Variants in TPO observed in about 807,000 individuals in gnomAD.
The protein encoded by TPO is thyroid microsomal antigen.
Under a neutral mutation model 96.9 loss-of-function variants are expected in TPO, and 78 were observed. That is an observed-to-expected ratio of 0.81 (90% CI 0.67 to 0.97). The LOEUF (loss-of-function observed/expected upper bound fraction) is 0.97. Among genes scored for constraint, TPO ranks in the 50% least tolerant of loss-of-function variants. The probability of loss-of-function intolerance (pLI) is 0.00; values close to 1 mark genes in which losing one functional copy is unlikely to be tolerated. For synonymous variants in TPO, 547 were observed against 538.0 expected, an observed-to-expected ratio of 1.02 and a Z score of -0.23; for missense variants, 1,252 against 1,274.8, an observed-to-expected ratio of 0.98 and a Z score of 0.27.
At position 1,469,814 on chromosome 2, in the gene TPO, G is replaced by C. The variant is rs140600254; in HGVS notation, c.820-7272G>C. On this transcript the variant is annotated intron_variant, in intron 7 of 16. Coordinates refer to ENST00000329066, the MANE Select transcript of TPO (RefSeq NM_001206744.2). The stretch of plus-strand genomic sequence containing the variant: ...AGTTTGGGCACTCACAGTATTTGGG[G>C]TGTCTCCCGAGTCCTGCAGGAGCCA... 5.4e-3 allele frequency among the ~76,000 whole-genome samples: 818 copies of C among 152,306 alleles called. 14 individuals carry two copies. The highest frequency in any genetic ancestry group is 0.018 in the African/African-American group (755 of 41,566).
upstream of TPO, among the ~76,000 whole-genome samples, chr2:1,409,150 C>G (rs1369430295): frequency 2.0e-5 from 3 of 152,194 alleles, no homozygotes; most frequent in South Asian, 6.2e-4. Context: ...CCCCAGAGTC[C>G]ATGAGAGGAG....
intron 5 of TPO, among the ~76,000 whole-genome samples, chr2:1,440,961 G>A (rs1469517401): frequency 6.6e-6 from 1 of 151,860 alleles, no homozygotes; most frequent in Non-Finnish European, 1.5e-5. Flanking sequence ...ATTGCCACAG[G>A]AGGCACTATG....
intron 15 of TPO, among the ~76,000 whole-genome samples, chr2:1,530,356 C>T (rs1314651097): frequency 7.0e-6 from 1 of 143,230 alleles, no homozygotes. Flanking sequence ...CAAGTGTGTG[C>T]AACGTCCCCA....
intron 5 of TPO, among the ~76,000 whole-genome samples, chr2:1,445,830 G>C (rs1468636796): frequency 1.6e-4 from 4 of 25,006 alleles, no homozygotes; most frequent in African/African-American, 3.9e-4. Flanking sequence ...GAAGGGAATG[G>C]GGCAGGCTCC....
At chr2:1,426,838 A>C (rs1209001625) in intron 3 of TPO, among the ~76,000 whole-genome samples, 2 of 152,190 alleles carry the variant, frequency 1.3e-5, no homozygotes, top group Non-Finnish European at 2.9e-5. Flanking sequence ...GTTACTTTAG[A>C]GCCGAAAAGG....
intron 1 of TPO, among the ~76,000 whole-genome samples, chr2:1,404,767 G>A (rs969539902): frequency 6.6e-6 from 1 of 152,044 alleles, no homozygotes; most frequent in African/African-American, 2.4e-5. Context: ...ATTCATACAC[G>A]GTCATTTCTT....
chr2:1,529,898 AC>A (rs1558420647), intron 15 of TPO, among the ~76,000 whole-genome samples: 18 of 64,950 alleles, frequency 2.8e-4, no homozygotes, highest in East Asian at 1.6e-3. Flanking sequence ...AATCCCTCCC[AC>A]TCTGTGCAAA....
rs142398612 is a variant in TPO, at chr2:1,494,071, G to A, written c.2006+32G>A. 1.7e-3 allele frequency: 2,760 copies of A among 1,604,764 alleles called. 47 individuals carry two copies. In the African/African-American group the frequency reaches 0.03, roughly 17 times the overall value. On this transcript the variant is annotated intron_variant, in intron 11 of 16. Transcript: ENST00000329066. ...TCCTATCCAGAGCGTCTTCCTTCAC[G>A]TTCTGCACAGAGGCAGGTGGTCTGC... is the stretch of plus-strand genomic sequence containing the variant.
intron 6 of TPO, 77 bp downstream of exon 6, chr2:1,453,900 G>T: frequency 6.2e-7 from 1 of 1,602,730 alleles, no homozygotes; most frequent in South Asian, 1.1e-5. Flanking sequence ...GCCTTTTACT[G>T]GGTTCTTGCT....
chr2:1,532,676 C>CG (rs1161366861), intron 15 of TPO, among the ~76,000 whole-genome samples: 1 of 64 alleles, frequency 0.016, no homozygotes, highest in East Asian at 0.17. Context: ...AACTTCCTCA[C>CG]AACCACCCAC....
At chr2:1,497,391 A>G (rs567894963) in intron 13 of TPO, among the ~76,000 whole-genome samples, 1 of 152,296 alleles carries the variant, frequency 6.6e-6, no homozygotes, top group East Asian at 1.9e-4. Context: ...GTGCTGGACA[A>G]CAGAGCCTCC....
intron 2 of TPO, among the ~76,000 whole-genome samples, chr2:1,415,403 T>C (rs1414192720): frequency 3.0e-5 from 4 of 131,500 alleles, no homozygotes; most frequent in Admixed American, 3.0e-4. Context: ...TCGGGGCCCC[T>C]GGAGCAGGTG....
chr2:1,409,893 C>T (rs891202031), upstream of TPO, among the ~76,000 whole-genome samples: 1 of 148,320 alleles, frequency 6.7e-6, no homozygotes, highest in Non-Finnish European at 1.5e-5. Context: ...CTAAAAGTGT[C>T]GAGCTCATGG....
chr2:1,442,267 G>A (rs1371343631), intron 5 of TPO, among the ~76,000 whole-genome samples: 3 of 152,196 alleles, frequency 2.0e-5, no homozygotes, highest in Non-Finnish European at 2.9e-5. Context: ...CTCAGCTACT[G>A]GAAATAGATG....
At chr2:1,380,636 C>A (rs1197238426) in intron 1 of TPO, among the ~76,000 whole-genome samples, 1 of 152,134 alleles carries the variant, frequency 6.6e-6, no homozygotes, top group African/African-American at 2.4e-5. Context: ...TGAAGTGACA[C>A]AATCACAGCC....
intron 8 of TPO, among the ~76,000 whole-genome samples, chr2:1,482,778 A>G (rs979184870): frequency 2.6e-5 from 4 of 152,192 alleles, no homozygotes; most frequent in African/African-American, 9.7e-5. Flanking sequence ...GGGCTCAAGC[A>G]ATCCTCCACC....
intron 15 of TPO, among the ~76,000 whole-genome samples, chr2:1,539,606 G>A (rs1680484161): frequency 6.6e-6 from 1 of 152,154 alleles, no homozygotes. Flanking sequence ...TGCTGGCGGT[G>A]CTGGAATGGC....
chr2:1,442,350 A>C (rs77191258), intron 5 of TPO, among the ~76,000 whole-genome samples: 1,553 of 152,152 alleles, frequency 0.01, 39 homozygotes, highest in East Asian at 0.096. Flanking sequence ...GTGTGCCACA[A>C]CAGCCAGAAA....
chr2:1,480,744 GCTGCATCCGTCCACACCACCTCCCTCCTC>G (rs767946283), intron 8 of TPO, among the ~76,000 whole-genome samples: 78 of 116,094 alleles, frequency 6.7e-4, no homozygotes, highest in African/African-American at 2.1e-3. Flanking sequence ...TGTTTCTCCT[GCTGCATCCGTCCACACCACCTCCCTCCTC>G]CTGCATCCGT....
Sources: allele counts gnomAD v4.1 joint callset (sites outside exome capture counted in the v4.1 genomes callset), GRCh38; gene constraint gnomAD v4.1.1; transcripts MANE v1.5; gene names NCBI Gene and HGNC (gene_info 2026-07-23, HGNC 2026-07-21).